Variants in LDLRAD2 observed in about 807,000 individuals in gnomAD.
LDLRAD2 encodes low density lipoprotein receptor class A domain containing 2.
A neutral mutation model predicts 24.9 loss-of-function variants in LDLRAD2; 25 were observed. The ratio of observed to expected loss-of-function variants is 1.00; its 90% CI spans 0.73 to 1.40. LDLRAD2 has a LOEUF of 1.40. LDLRAD2 is among the 40% of genes most tolerant of loss of function. The probability of loss-of-function intolerance (pLI) is 0.00; values close to 1 mark genes in which losing one functional copy is unlikely to be tolerated. For missense variants in LDLRAD2, 391 were observed against 366.2 expected, an observed-to-expected ratio of 1.07 and a Z score of -0.55; for synonymous variants, 182 against 166.7, an observed-to-expected ratio of 1.09 and a Z score of -0.71.
Position 21,814,438 on chromosome 1 carries a change from C to A in LDLRAD2, c.126C>A (p.Asp42Glu), listed in dbSNP as rs200571093. 267 of 1,609,012 alleles carry A rather than the reference C, an allele frequency of 1.7e-4. No homozygotes were observed. In the African/African-American group the frequency reaches 3.2e-3, roughly 19 times the overall value. The stretch of plus-strand genomic sequence containing the variant: ...TGTGCGGGCAGACGTGGCAGGGGGA[C>A]GGGCTGCTGCTGCGCTCGCACGCCG... ...AELCGQTWQGDGLLLRSHAAS... is the reference protein window; with the variant it reads ...AELCGQTWQGEGLLLRSHAAS... Residue 42 changes from aspartate (D) to glutamate (E), a missense_variant, in exon 2 of 5, where the codon GAC becomes GAA. By Grantham distance (45) the Asp-to-Glu change is conservative (BLOSUM62 2). Coordinates refer to ENST00000344642, the MANE Select transcript of LDLRAD2 (RefSeq NM_001013693.3).
In LDLRAD2 at chr1:21,825,154, T is replaced by C. The variant is rs901621765; in HGVS notation, c.*2939T>C. ...GCTGCTTTGAAATTGTGGTAGCTAC[T>C]GAGATCACCAGATCTTGTTATTTGA... is the stretch of plus-strand genomic sequence containing the variant. On this transcript the variant is annotated 3_prime_UTR_variant, in exon 5 of 5. Transcript: ENST00000344642. 1.2e-5 allele frequency: 4 copies of C among 328,146 alleles called. No homozygotes were observed. Among genetic ancestry groups the C allele is most frequent in the Non-Finnish European group, 2.3e-5 (4 of 170,344 alleles). The allele number at this position is 328,146 out of a possible 1,614,324, so 20.3% of individuals were successfully genotyped here.
chr1:21,819,486 CTTTATAAA>C (rs897173417), intron 3 of LDLRAD2, among the ~76,000 whole-genome samples: 44 of 149,714 alleles, frequency 2.9e-4, no homozygotes, highest in South Asian at 1.0e-3. Flanking sequence ...TATAAATTAC[CTTTATAAA>C]TTTATAAATT....
At chr1:21,819,469 T>C (rs2097947880) in intron 3 of LDLRAD2, among the ~76,000 whole-genome samples, 2 of 151,628 alleles carry the variant, frequency 1.3e-5, no homozygotes, top group South Asian at 4.1e-4. Context: ...ATTAAACCTC[T>C]TTTCTTTATA....
rs917665524 is a variant in LDLRAD2 at position 21,823,789 on chromosome 1, C to T, written c.*1574C>T. 1.7e-6 allele frequency: 2 copies of T among 1,200,232 alleles called. No individual in the cohort carries two copies. The highest frequency in any genetic ancestry group is 2.5e-6 in the Non-Finnish European group (2 of 812,086). 74.3% of individuals were successfully genotyped at this position (1,200,232 alleles called of 1,614,324 possible). A position where few individuals can be genotyped will look rare whatever the true frequency, so the allele number is the denominator to read the frequency against. On this transcript the variant is annotated 3_prime_UTR_variant, in exon 5 of 5. Transcript: ENST00000344642. ...CCTCCCCGGCCCCACGACAGAGTCC[C>T]CTCCCTCTGATATCGAGACTCCAGA...
chr1:21,812,341 TC>T lies in LDLRAD2; in HGVS notation c.-108del. 3 of 741,042 alleles carry T rather than the reference TC, an allele frequency of 4.0e-6. No homozygotes were observed. The highest frequency in any genetic ancestry group is 7.0e-6 in the Non-Finnish European group (3 of 430,242). The allele number at this position is 741,042 out of a possible 1,614,324, so 45.9% of individuals were successfully genotyped here. A position where few individuals can be genotyped will look rare whatever the true frequency, so the allele number is the denominator to read the frequency against. On this transcript the variant is annotated 5_prime_UTR_variant, in exon 1 of 5. Transcript: ENST00000344642. ...GACTTGCCTCCCCCTTCTCCTTGTG[TC>T]CCACCAGCCTCCCTGCTGGCCTGAC...
At chr1:21,813,227 G>A (rs559738153) in intron 1 of LDLRAD2, among the ~76,000 whole-genome samples, 37 of 152,166 alleles carry the variant, frequency 2.4e-4, no homozygotes, top group African/African-American at 7.7e-4. Flanking sequence ...CCAGGGAGTC[G>A]GAGGCTGCAG....
chr1:21,824,042 T>C lies in LDLRAD2; in HGVS notation c.*1827T>C, dbSNP rs2097960611. On this transcript the variant is annotated 3_prime_UTR_variant, in exon 5 of 5. Coordinates refer to ENST00000344642, the MANE Select transcript of LDLRAD2 (RefSeq NM_001013693.3). The surrounding 1 kb of genome is among the most constrained non-coding windows in gnomAD (Gnocchi z 5.9). ...GTCTCCACAGAGCTCAATACCTGCC[T>C]CTCTGCCCATGGTAGGGGGCGTCCT... is the stretch of plus-strand genomic sequence containing the variant. The C allele has an allele frequency of 3.0e-6, 4 of 1,321,952 alleles. No homozygotes were observed. The East Asian group carries it at 9.7e-5, about 32-fold the overall frequency. 81.9% of individuals were successfully genotyped at this position (1,321,952 alleles called of 1,614,324 possible).
At chr1:21,819,775 A>G (rs1269680943) in intron 3 of LDLRAD2, among the ~76,000 whole-genome samples, 1 of 152,168 alleles carries the variant, frequency 6.6e-6, no homozygotes, top group African/African-American at 2.4e-5. Context: ...TCGCATTGCT[A>G]TAAAAAAACA....
In LDLRAD2 at chr1:21,823,758, C is replaced by A. The variant is rs777516965; in HGVS notation, c.*1543C>A. 2.6e-6 allele frequency: 4 copies of A among 1,524,486 alleles called. No individual in the cohort carries two copies. The highest frequency in any genetic ancestry group is 3.6e-6 in the Non-Finnish European group (4 of 1,101,136). 94.4% of individuals were successfully genotyped at this position (1,524,486 alleles called of 1,614,324 possible). A position where few individuals can be genotyped will look rare whatever the true frequency, so the allele number is the denominator to read the frequency against. The stretch of plus-strand genomic sequence containing the variant: ...GGGTCAGGCCCCTTTCCACAAACTT[C>A]CTGGTCCTCCCCGGCCCCACGACAG... On this transcript the variant is annotated 3_prime_UTR_variant, in exon 5 of 5. Transcript: ENST00000344642.
intron 2 of LDLRAD2, among the ~76,000 whole-genome samples, chr1:21,815,617 C>T (rs1025427724): frequency 6.6e-6 from 1 of 151,922 alleles, no homozygotes; most frequent in African/African-American, 2.4e-5. Context: ...CCTAAAACAA[C>T]AACAAAAAAT....
At position 21,823,755 on chromosome 1, in the gene LDLRAD2, C is replaced by A. The variant is rs541223186; in HGVS notation, c.*1540C>A. On this transcript the variant is annotated 3_prime_UTR_variant, in exon 5 of 5. Coordinates refer to ENST00000344642, the MANE Select transcript of LDLRAD2 (RefSeq NM_001013693.3). Reference sequence around the variant, plus strand: ...ACTGGGTCAGGCCCCTTTCCACAAACTTCCTGGTCCTCCCCGGCCCCACGA... The same window carrying A: ...ACTGGGTCAGGCCCCTTTCCACAAAATTCCTGGTCCTCCCCGGCCCCACGA... 11 of 1,540,160 alleles carry A rather than the reference C, an allele frequency of 7.1e-6. No individual in the cohort carries two copies. In the East Asian group the frequency reaches 2.0e-4, roughly 28 times the overall value.
chr1:21,816,738 C>A (rs2097944363), intron 3 of LDLRAD2, among the ~76,000 whole-genome samples: 1 of 152,100 alleles, frequency 6.6e-6, no homozygotes, highest in Non-Finnish European at 1.5e-5. Context: ...TCCCAGAACC[C>A]CACACACTTA....
chr1:21,822,398 C>A lies in LDLRAD2; in HGVS notation c.*183C>A, dbSNP rs571768232. 1 of 635,392 alleles carries A rather than the reference C, an allele frequency of 1.6e-6. No homozygotes were observed. The highest frequency in any genetic ancestry group is 2.8e-6 in the Non-Finnish European group (1 of 355,896). 39.4% of individuals were successfully genotyped at this position (635,392 alleles called of 1,614,324 possible). A position where few individuals can be genotyped will look rare whatever the true frequency, so the allele number is the denominator to read the frequency against. On this transcript the variant is annotated 3_prime_UTR_variant, in exon 5 of 5. Transcript: ENST00000344642. Reference sequence around the variant, plus strand: ...GATCTTCAGGCTCCTGCAGATGGGGCAGGGTGGTCATATCCCCCTCCTCTC... The same window carrying A: ...GATCTTCAGGCTCCTGCAGATGGGGAAGGGTGGTCATATCCCCCTCCTCTC...
chr1:21,823,399 G>A lies in LDLRAD2; in HGVS notation c.*1184G>A, dbSNP rs775388269. The A allele has an allele frequency of 3.6e-5, 56 of 1,567,148 alleles. No individual in the cohort carries two copies. The highest frequency in any genetic ancestry group is 8.1e-5 in the African/African-American group (6 of 74,130). On this transcript the variant is annotated 3_prime_UTR_variant, in exon 5 of 5. Coordinates refer to ENST00000344642, the MANE Select transcript of LDLRAD2 (RefSeq NM_001013693.3). ...GGCTGTGGGGGCGGGGCGCCGGGTC[G>A]GGCCGAGTGCAGCACCAGGTTCTTG...
At chr1:21,817,962 T>C (rs933966241) in intron 3 of LDLRAD2, among the ~76,000 whole-genome samples, 11 of 152,172 alleles carry the variant, frequency 7.2e-5, no homozygotes, top group Non-Finnish European at 7.3e-5. Flanking sequence ...CTGCAACCTC[T>C]GCCTCCCTGG....
Position 21,823,945 on chromosome 1 carries a change from A to G in LDLRAD2, c.*1730A>G. The G allele has an allele frequency of 1.3e-6, 1 of 767,324 alleles. No homozygotes were observed. The allele number at this position is 767,324 out of a possible 1,614,324, so 47.5% of individuals were successfully genotyped here. A position where few individuals can be genotyped will look rare whatever the true frequency, so the allele number is the denominator to read the frequency against. ...ACTCCTGGGGCACTCGCCTGCCCCCAGCGGAGTTCAGTCCGAGATGGAAGC... is the reference window on the plus strand; with the variant it reads ...ACTCCTGGGGCACTCGCCTGCCCCCGGCGGAGTTCAGTCCGAGATGGAAGC... On this transcript the variant is annotated 3_prime_UTR_variant, in exon 5 of 5. Transcript: ENST00000344642.
chr1:21,820,247 G>A (rs1166491915), intron 3 of LDLRAD2, among the ~76,000 whole-genome samples: 1 of 152,188 alleles, frequency 6.6e-6, no homozygotes, highest in Non-Finnish European at 1.5e-5. Context: ...TAAGAAAAGC[G>A]GCAGCCCGCT....
At position 21,814,715 on chromosome 1, in the gene LDLRAD2, A is replaced by C; in HGVS notation, c.403A>C (p.Ile135Leu). The change falls in exon 2 of 5, where the codon ATC becomes CTC. Residue 135 changes from isoleucine (I) to leucine (L), a missense_variant. Coordinates refer to ENST00000344642, the MANE Select transcript of LDLRAD2 (RefSeq NM_001013693.3). The part of the protein sequence containing the change: ...PLGSPLCGLN[I>L]PVPVASSGPF... ...GGGGTCCCCACTGTGCGGCCTGAAC[A>C]TCCCGGTGCCTGTGGCATCCTCCGG... is the stretch of plus-strand genomic sequence containing the variant. The C allele has an allele frequency of 6.4e-7, 1 of 1,558,072 alleles. No homozygotes were observed. Among genetic ancestry groups the C allele is most frequent in the Non-Finnish European group, 8.7e-7 (1 of 1,153,006 alleles).
intron 3 of LDLRAD2, among the ~76,000 whole-genome samples, chr1:21,816,598 G>A (rs1371173228): frequency 6.6e-6 from 1 of 152,104 alleles, no homozygotes; most frequent in Non-Finnish European, 1.5e-5. Context: ...TGGTGGAAGG[G>A]ACCAGAACAA....
Sources: allele counts gnomAD v4.1 joint callset (sites outside exome capture counted in the v4.1 genomes callset), GRCh38; gene constraint gnomAD v4.1.1; non-coding constraint Gnocchi (gnomAD v3.1); transcripts MANE v1.5; gene names NCBI Gene and HGNC (gene_info 2026-07-23, HGNC 2026-07-21).